MYRIP: variants seen among roughly 807,000 people sequenced by gnomAD.
MYRIP encodes myosin VIIA and Rab interacting protein, also known as rab effector MyRIP.
MYRIP carries 49 observed loss-of-function variants against 98.0 expected under a neutral mutation model. The ratio of observed to expected loss-of-function variants is 0.50; its 90% CI spans 0.40 to 0.63. The LOEUF (loss-of-function observed/expected upper bound fraction) is 0.63, where lower values mean the gene tolerates loss of function less well. Among genes scored for constraint, MYRIP ranks in the 30% least tolerant of loss-of-function variants. The pLI, the probability that MYRIP is intolerant of heterozygous loss-of-function variation, is 0.00. For synonymous variants in MYRIP, 404 were observed against 409.5 expected (o/e 0.99, Z 0.16); for missense variants, 1,004 against 1,058.2 (o/e 0.95, Z 0.71).
Position 39,996,434 on chromosome 3 carries a change from G to C in MYRIP, c.111-47616G>C, listed in dbSNP as rs997509374. Among the ~76,000 whole-genome samples the C allele has an allele frequency of 9.2e-5, 14 of 152,218 alleles. 1 individual carries two copies. Among genetic ancestry groups the C allele is most frequent in the Non-Finnish European group, 2.9e-5 (2 of 68,044 alleles). ...ACCAACAAAGATCAAAGGAGACAAA[G>C]AAGGCCATTACAAAATGGTAAAGAG... On this transcript the variant is annotated intron_variant, in intron 2 of 16. Transcript: ENST00000302541.
chr3:40,051,651 G>A (rs564482778), intron 3 of MYRIP, among the ~76,000 whole-genome samples: 82 of 152,198 alleles, frequency 5.4e-4, no homozygotes, highest in African/African-American at 1.8e-3. Flanking sequence ...TTGGAAAATT[G>A]TTTTCAGTGA....
chr3:39,912,760 C>T (rs1242084003), intron 2 of MYRIP, among the ~76,000 whole-genome samples: 1 of 152,214 alleles, frequency 6.6e-6, no homozygotes, highest in Non-Finnish European at 1.5e-5. Flanking sequence ...AAATTCTTGG[C>T]TGGGCATAGT....
intron 4 of MYRIP, among the ~76,000 whole-genome samples, chr3:40,156,760 GA>G (rs1950251431): frequency 6.6e-6 from 1 of 151,938 alleles, no homozygotes; most frequent in East Asian, 1.9e-4. Context: ...AAGCAATTGT[GA>G]ATGGGAGTTC....
intron 2 of MYRIP, among the ~76,000 whole-genome samples, chr3:40,005,060 G>C (rs1306701825): frequency 6.6e-6 from 1 of 152,130 alleles, no homozygotes; most frequent in East Asian, 1.9e-4. Flanking sequence ...AATTTGCTTA[G>C]AATAATGGCC....
intron 3 of MYRIP, among the ~76,000 whole-genome samples, chr3:40,060,698 A>T (rs577865951): frequency 6.6e-6 from 1 of 151,396 alleles, no homozygotes; most frequent in East Asian, 2.0e-4. Context: ...TTCAAGCAAT[A>T]ATCTTGCCTC....
At chr3:40,121,440 C>A (rs994803951) in intron 3 of MYRIP, among the ~76,000 whole-genome samples, 6 of 152,100 alleles carry the variant, frequency 3.9e-5, no homozygotes, top group Non-Finnish European at 8.8e-5. Context: ...CTATCTGTGG[C>A]ATCTGTGGAT....
intron 1 of MYRIP, among the ~76,000 whole-genome samples, chr3:39,812,863 T>C (rs1421518242): frequency 6.6e-6 from 1 of 152,226 alleles, no homozygotes; most frequent in African/African-American, 2.4e-5. Flanking sequence ...TTCCAACTAC[T>C]ATTTTCCATA....
intron 3 of MYRIP, among the ~76,000 whole-genome samples, chr3:40,109,122 C>T (rs1374376373): frequency 1.3e-5 from 2 of 152,034 alleles, no homozygotes; most frequent in African/African-American, 4.8e-5. Context: ...CACTCTGCCT[C>T]TTTTTTTTAT....
At chr3:40,114,193 A>G (rs1282118611) in intron 3 of MYRIP, among the ~76,000 whole-genome samples, 1 of 152,222 alleles carries the variant, frequency 6.6e-6, no homozygotes, top group Admixed American at 6.5e-5. Flanking sequence ...ACATTGTAAT[A>G]TATTTCTACT....
chr3:40,237,933 G>A (rs1404711501), intron 12 of MYRIP, among the ~76,000 whole-genome samples: 1 of 152,170 alleles, frequency 6.6e-6, no homozygotes, highest in East Asian at 1.9e-4. Flanking sequence ...AGAATGCAAT[G>A]GCCTTATTGG....
At chr3:39,955,105 G>C (rs903017958) in intron 2 of MYRIP, among the ~76,000 whole-genome samples, 12 of 152,140 alleles carry the variant, frequency 7.9e-5, no homozygotes, top group Non-Finnish European at 1.6e-4. Context: ...CACTCTGCAG[G>C]ATATTATACA....
At chr3:40,125,123 T>C (rs997039064) in intron 3 of MYRIP, among the ~76,000 whole-genome samples, 1 of 152,220 alleles carries the variant, frequency 6.6e-6, no homozygotes, top group Non-Finnish European at 1.5e-5. Flanking sequence ...GTACATGTGA[T>C]CCAGTGGAGG....
chr3:39,961,797 C>T (rs1293024427), intron 2 of MYRIP, among the ~76,000 whole-genome samples: 1 of 152,222 alleles, frequency 6.6e-6, no homozygotes, highest in East Asian at 1.9e-4. Context: ...GAGATATCTG[C>T]TTCTCATTAT....
At chr3:39,858,879 C>G (rs1942381355) in intron 1 of MYRIP, among the ~76,000 whole-genome samples, 1 of 151,734 alleles carries the variant, frequency 6.6e-6, no homozygotes, top group African/African-American at 2.4e-5. Flanking sequence ...TAAGAGGAGG[C>G]AGTAAAAGCA....
chr3:40,214,860 G>C (rs1952071125), intron 11 of MYRIP, among the ~76,000 whole-genome samples: 1 of 152,116 alleles, frequency 6.6e-6, no homozygotes, highest in Admixed American at 6.6e-5. Flanking sequence ...ATGCAAAAGA[G>C]GACTAAGGAC....
At position 40,044,242 on chromosome 3, in the gene MYRIP, C is replaced by CT. The variant is rs2125832576; in HGVS notation, c.304dup (p.Trp102LeufsTer23). On this transcript the variant is annotated frameshift_variant, in exon 3 of 17. Coordinates refer to ENST00000302541, the MANE Select transcript of MYRIP (RefSeq NM_015460.4). LOFTEE classifies it high-confidence loss of function. ...GCTCCTACCAGAAGCACGAAAAGGC[C>CT]TGGGTCTGCTGCGTCTGCCAGCAAG... 1 of 1,614,166 alleles carries CT rather than the reference C, an allele frequency of 6.2e-7. No individual in the cohort carries two copies. The highest frequency in any genetic ancestry group is 8.5e-7 in the Non-Finnish European group (1 of 1,180,020).
At chr3:40,249,524 A>T (rs79920199) in intron 13 of MYRIP, among the ~76,000 whole-genome samples, 3 of 152,216 alleles carry the variant, frequency 2.0e-5, no homozygotes, top group South Asian at 2.1e-4. Context: ...CCTGGCACAT[A>T]ATAATGCCCT....
chr3:40,026,243 C>T (rs1243624126), intron 2 of MYRIP, among the ~76,000 whole-genome samples: 3 of 152,128 alleles, frequency 2.0e-5, no homozygotes, highest in Non-Finnish European at 4.4e-5. Flanking sequence ...TGTTTGTAGG[C>T]TCTCTGCAAG....
intron 9 of MYRIP, among the ~76,000 whole-genome samples, chr3:40,187,658 T>C (rs1951074717): frequency 6.6e-6 from 1 of 152,224 alleles, no homozygotes; most frequent in African/African-American, 2.4e-5. Flanking sequence ...AAACTGGCTC[T>C]GGGACACAGC....
Sources: allele counts gnomAD v4.1 joint callset (sites outside exome capture counted in the v4.1 genomes callset), GRCh38; gene constraint gnomAD v4.1.1; transcripts MANE v1.5; gene names NCBI Gene and HGNC (gene_info 2026-07-23, HGNC 2026-07-21).